The following NCOR2 variants were observed in gnomAD, a reference collection of about 807,000 sequenced individuals.
The protein encoded by NCOR2 is nuclear receptor corepressor 2.
In NCOR2, 81 loss-of-function variants were observed where a neutral mutation model predicts 262.9. The observed-to-expected ratio is 0.31, with a 90% CI of 0.26 to 0.37. The LOEUF (loss-of-function observed/expected upper bound fraction) is 0.37, where lower values mean the gene tolerates loss of function less well. NCOR2 is among the 10% of genes least tolerant of loss of function. The probability of loss-of-function intolerance (pLI) is 1.00; values close to 1 mark genes in which losing one functional copy is unlikely to be tolerated. For missense variants in NCOR2, 3,385 were observed against 3,621.4 expected, an observed-to-expected ratio of 0.93 and a Z score of 1.68; for synonymous variants, 1,659 against 1,559.3, an observed-to-expected ratio of 1.06 and a Z score of -1.51.
intron 4 of NCOR2, among the ~76,000 whole-genome samples, chr12:124,467,273 A>G (rs1344866673): frequency 2.0e-3 from 3 of 1,504 alleles, no homozygotes; most frequent in Non-Finnish European, 3.0e-3. Flanking sequence ...CCTCATCCTC[A>G]TCACCCCATC....
intron 27 of NCOR2, among the ~76,000 whole-genome samples, chr12:124,351,948 T>C (rs2037510879): frequency 6.6e-6 from 1 of 152,204 alleles, no homozygotes; most frequent in African/African-American, 2.4e-5. Context: ...GGACATCCCC[T>C]GGCAGAGGGC....
intron 22 of NCOR2, 43 bp downstream of exon 24, chr12:124,362,083 C>A: frequency 7.9e-7 from 1 of 1,261,142 alleles, no homozygotes; most frequent in South Asian, 3.8e-5. Context: ...GCCCGTCAGT[C>A]CCCTGCTGCC....
chr12:124,334,181 G>GT (rs2035662389), intron 41 of NCOR2, among the ~76,000 whole-genome samples: 1 of 152,226 alleles, frequency 6.6e-6, no homozygotes, highest in South Asian at 2.1e-4. Context: ...CTGGGGGGCT[G>GT]TGTGTAAAGG....
At chr12:124,543,348 A>G (rs1456847832) in intron 1 of NCOR2, among the ~76,000 whole-genome samples, 1 of 152,180 alleles carries the variant, frequency 6.6e-6, no homozygotes, top group Non-Finnish European at 1.5e-5. Context: ...AAACCATGAC[A>G]ACGATCATCA....
exon 38 of NCOR2, chr12:124,336,780 T>C: frequency 6.2e-7 from 1 of 1,613,340 alleles, no homozygotes; most frequent in African/African-American, 1.3e-5. Flanking sequence ...AGTTCCTGGA[T>C]GGAAAAGGGT....
chr12:124,456,954 G>C, intron 6 of NCOR2, 152 bp downstream of exon 8: 1 of 447,330 alleles, frequency 2.2e-6, no homozygotes, highest in South Asian at 3.2e-5. Flanking sequence ...CTCTCATCAG[G>C]AAGGTGGGTT....
At chr12:124,372,189 C>A (rs760706990) in exon 20 of NCOR2, 1 of 1,601,626 alleles carries the variant, frequency 6.2e-7, no homozygotes, top group East Asian at 2.2e-5. Flanking sequence ...CAGCGGCCTC[C>A]GCGTCCTTGC....
chr12:124,344,867 G>A lies in NCOR2; in HGVS notation c.4444C>T (p.Arg1482Trp), dbSNP rs771730352. 37 of 1,575,974 alleles carry A rather than the reference G, an allele frequency of 2.3e-5. No individual in the cohort carries two copies. Among genetic ancestry groups the A allele is most frequent in the Admixed American group, 1.3e-4 (7 of 54,360 alleles). The stretch of plus-strand genomic sequence containing the variant: ...AGCGGGTGCACGGGTGGGAACGTCC[G>A]GCCGGGGCTGCCGATGAGGGAGCGT... The change falls in exon 32 of 47, where the codon CGG (arginine) becomes TGG (tryptophan). Residue 1482 changes from arginine (R) to tryptophan (W), a missense_variant. By Grantham distance (101) the Arg-to-Trp change is moderately radical. Coordinates refer to ENST00000405201, the Ensembl canonical transcript of NCOR2.
chr12:124,461,396 T>C (rs561245901), intron 5 of NCOR2, among the ~76,000 whole-genome samples: 1 of 152,330 alleles, frequency 6.6e-6, no homozygotes, highest in East Asian at 1.9e-4. Context: ...GCCAGCCAAC[T>C]GAGATCCGGG....
chr12:124,383,533 C>CAAA, intron 17 of NCOR2: 16 of 463,038 alleles, frequency 3.5e-5, no homozygotes, highest in South Asian at 9.3e-5. Flanking sequence ...CCTTCCAACT[C>CAAA]AAAAAAAAAA....
exon 38 of NCOR2, chr12:124,337,081 G>A (rs1002655448): frequency 1.2e-5 from 18 of 1,485,766 alleles, no homozygotes; most frequent in Non-Finnish European, 1.6e-5. Context: ...CGGGCTCCAT[G>A]AGGGTAGGGT....
intron 31 of NCOR2, among the ~76,000 whole-genome samples, chr12:124,346,297 A>AG (rs1301036751): frequency 7.9e-5 from 12 of 152,192 alleles, no homozygotes; most frequent in African/African-American, 2.7e-4. Flanking sequence ...TGGCCTTGGA[A>AG]GCCTGCCTGG....
intron 1 of NCOR2, among the ~76,000 whole-genome samples, chr12:124,558,111 C>T (rs1370937437): frequency 6.6e-6 from 1 of 152,176 alleles, no homozygotes; most frequent in Non-Finnish European, 1.5e-5. Flanking sequence ...GCCCATGCTC[C>T]CTGATGGTCT....
At chr12:124,354,690 C>A in intron 25 of NCOR2, 108 bp from the exon 28 acceptor site, 1 of 1,319,846 alleles carries the variant, frequency 7.6e-7, no homozygotes, top group Non-Finnish European at 1.0e-6. Context: ...CCCTCCCCAC[C>A]ATGTTCCAGC....
exon 2 of NCOR2, chr12:124,486,458 G>A: frequency 6.2e-7 from 1 of 1,612,800 alleles, no homozygotes; most frequent in Non-Finnish European, 8.5e-7. Flanking sequence ...TCCCGGGCTG[G>A]AACTCAGACA....
chr12:124,412,377 T>A (rs915612948), intron 13 of NCOR2, among the ~76,000 whole-genome samples: 1 of 152,248 alleles, frequency 6.6e-6, no homozygotes, highest in African/African-American at 2.4e-5. Flanking sequence ...GTCTTGCTGC[T>A]GGGCTGTGGT....
At position 124,327,293 on chromosome 12, in the gene NCOR2, T is replaced by C. The variant is rs1356451467; in HGVS notation, c.7183+116A>G. 1.1e-5 allele frequency: 9 copies of C among 849,482 alleles called. No individual in the cohort carries two copies. In the East Asian group the frequency reaches 2.4e-4, roughly 23 times the overall value. 52.6% of individuals were successfully genotyped at this position (849,482 alleles called of 1,614,324 possible). A position where few individuals can be genotyped will look rare whatever the true frequency, so the allele number is the denominator to read the frequency against. On this transcript the variant is annotated intron_variant, in intron 45 of 46. Transcript: ENST00000405201. Reference sequence around the variant, plus strand: ...GAACGAGGTCAAACACGCACAAAAATAAAGTCACAAGCTCCAAAGCTCGAG... The same window carrying C: ...GAACGAGGTCAAACACGCACAAAAACAAAGTCACAAGCTCCAAAGCTCGAG...
Position 124,381,198 on chromosome 12 carries a change from C to T in NCOR2, c.2020-2814G>A, listed in dbSNP as rs1279279072. Among the ~76,000 whole-genome samples, 3 of 152,118 alleles carry T rather than the reference C, an allele frequency of 2.0e-5. No homozygotes were observed. In the South Asian group the frequency reaches 6.2e-4, roughly 32 times the overall value. On this transcript the variant is annotated intron_variant, in intron 17 of 46. Transcript: ENST00000405201. ...CCCTCTCCCCTCCTCAGAGACTGTG[C>T]TACAAACACACTGCCCTCCCTGCTC...
chr12:124,545,973 C>T (rs921546999), intron 1 of NCOR2, among the ~76,000 whole-genome samples: 7 of 152,208 alleles, frequency 4.6e-5, no homozygotes, highest in African/African-American at 1.7e-4. Context: ...GGCAGCAGTT[C>T]AGGGGTATGC....
Sources: allele counts gnomAD v4.1 joint callset (sites outside exome capture counted in the v4.1 genomes callset), GRCh38; gene constraint gnomAD v4.1.1; transcripts MANE v1.5; gene names NCBI Gene and HGNC (gene_info 2026-07-23, HGNC 2026-07-21).